Variants in CTNNA3 observed in about 807,000 individuals in gnomAD.
CTNNA3 encodes catenin alpha-3.
In CTNNA3, 76 loss-of-function variants were observed where a neutral mutation model predicts 95.7. That is an observed-to-expected ratio of 0.79 (90% confidence interval 0.66 to 0.96). The LOEUF is 0.96. CTNNA3 is among the 40% of genes least tolerant of loss of function. The pLI is 0.00. For synonymous variants in CTNNA3, 431 were observed against 374.4 expected, an observed-to-expected ratio of 1.15 and a Z score of -1.74; for missense variants, 1,191 against 1,089.8, an observed-to-expected ratio of 1.09 and a Z score of -1.31.
chr10:67,321,830 C>T (rs1313945105), intron 5 of CTNNA3, among the ~76,000 whole-genome samples: 2 of 152,138 alleles, frequency 1.3e-5, no homozygotes, highest in Admixed American at 1.3e-4. Flanking sequence ...TTTCACCCTA[C>T]CACACACCTT....
At chr10:67,396,205 G>C (rs1468214303) in intron 5 of CTNNA3, among the ~76,000 whole-genome samples, 1 of 151,964 alleles carries the variant, frequency 6.6e-6, no homozygotes, top group Non-Finnish European at 1.5e-5. Flanking sequence ...ATATATCCTA[G>C]GAAGACACAA....
At chr10:67,252,705 G>A (rs1203242000) in intron 5 of CTNNA3, among the ~76,000 whole-genome samples, 1 of 152,160 alleles carries the variant, frequency 6.6e-6, no homozygotes, top group East Asian at 1.9e-4. Context: ...CCTGAATCAT[G>A]TGTAACCATC....
chr10:67,593,681 T>C (rs12412706), intron 3 of CTNNA3, among the ~76,000 whole-genome samples: 4,284 of 152,302 alleles, frequency 0.028, 78 homozygotes, highest in South Asian at 0.1. Context: ...GTTTTCTAAG[T>C]ATAGGCTTAA....
chr10:67,324,918 C>T (rs1841481161), intron 5 of CTNNA3, among the ~76,000 whole-genome samples: 1 of 152,066 alleles, frequency 6.6e-6, no homozygotes, highest in Non-Finnish European at 1.5e-5. Context: ...AATTTCAGAA[C>T]TCATTATTGA....
chr10:67,233,262 T>C (rs1255682266), intron 5 of CTNNA3, among the ~76,000 whole-genome samples: 1 of 152,032 alleles, frequency 6.6e-6, no homozygotes, highest in East Asian at 1.9e-4. Context: ...TACTTGGAAG[T>C]AAAGCTCTCC....
intron 13 of CTNNA3, among the ~76,000 whole-genome samples, chr10:66,234,761 C>T (rs572322768): frequency 1.3e-5 from 2 of 152,150 alleles, no homozygotes; most frequent in Non-Finnish European, 2.9e-5. Context: ...TGCAAAACTC[C>T]CTTCTCTTGA....
chr10:66,938,482 T>C (rs1382209712), intron 7 of CTNNA3, among the ~76,000 whole-genome samples: 4 of 152,140 alleles, frequency 2.6e-5, no homozygotes, highest in Non-Finnish European at 5.9e-5. Context: ...AAAGAAAATA[T>C]ATTTATTATT....
In CTNNA3 at chr10:66,702,126, C is replaced by T. The variant is rs374461326; in HGVS notation, c.1281+64138G>A. Reference sequence around the variant, plus strand: ...ACTTATCTGTAAAAAATATGGCATGCCATTTACACAGTAAAAAAAAAACAA... The same window carrying T: ...ACTTATCTGTAAAAAATATGGCATGTCATTTACACAGTAAAAAAAAAACAA... On this transcript the variant is annotated intron_variant, in intron 9 of 17. Transcript: ENST00000433211. Among the ~76,000 whole-genome samples, 14 of 151,896 alleles carry T rather than the reference C, an allele frequency of 9.2e-5. No homozygotes were observed. The East Asian group carries it at 2.5e-3, about 27-fold the overall frequency.
chr10:66,150,088 C>A (rs1222471314), intron 13 of CTNNA3, among the ~76,000 whole-genome samples: 1 of 152,200 alleles, frequency 6.6e-6, no homozygotes, highest in African/African-American at 2.4e-5. Context: ...TGTGTCCCCA[C>A]CCAAATCTCA....
At chr10:66,677,381 T>C (rs958536679) in intron 9 of CTNNA3, among the ~76,000 whole-genome samples, 6 of 142,508 alleles carry the variant, frequency 4.2e-5, no homozygotes, top group African/African-American at 1.4e-4. Context: ...TAAAAAATAA[T>C]TTTATACAAA....
At chr10:67,324,119 T>A (rs1013285770) in intron 5 of CTNNA3, among the ~76,000 whole-genome samples, 52 of 152,288 alleles carry the variant, frequency 3.4e-4, no homozygotes, top group African/African-American at 1.2e-3. Context: ...GTTAAGAAGC[T>A]TTTGGGCTGA....
intron 6 of CTNNA3, among the ~76,000 whole-genome samples, chr10:67,201,490 T>TATTATTATAC (rs1789627415): frequency 6.6e-6 from 1 of 152,176 alleles, no homozygotes; most frequent in South Asian, 2.1e-4. Flanking sequence ...ATACTTTAAG[T>TATTATTATAC]TTTAGGGTAC....
At chr10:67,051,183 G>T (rs1273043085) in intron 7 of CTNNA3, among the ~76,000 whole-genome samples, 1 of 152,196 alleles carries the variant, frequency 6.6e-6, no homozygotes, top group East Asian at 1.9e-4. Flanking sequence ...CATTACCTGG[G>T]TGAATTATTA....
chr10:66,639,021 A>G (rs1424159539), intron 9 of CTNNA3, among the ~76,000 whole-genome samples: 1 of 152,130 alleles, frequency 6.6e-6, no homozygotes, highest in African/African-American at 2.4e-5. Flanking sequence ...TTGGTGAATA[A>G]TTCATTTCCT....
chr10:67,738,178 G>A (rs568191699), intron 1 of CTNNA3, among the ~76,000 whole-genome samples: 69 of 152,252 alleles, frequency 4.5e-4, no homozygotes, highest in African/African-American at 1.5e-3. Flanking sequence ...AGGAGGGGCC[G>A]AAAGACACCT....
chr10:67,581,158 C>T lies in CTNNA3; in HGVS notation c.292+25699G>A, dbSNP rs150915642. ...TGCTCGTTTTCAAAGGGAATGCTTC[C>T]GGTTTTCGCCCATTCAGTATGATAT... On this transcript the variant is annotated intron_variant, in intron 3 of 17. Coordinates refer to ENST00000433211, the MANE Select transcript of CTNNA3 (RefSeq NM_013266.4). Among the ~76,000 whole-genome samples, 532 of 152,198 alleles carry T rather than the reference C, an allele frequency of 3.5e-3. 5 individuals are homozygous for T. The highest frequency in any genetic ancestry group is 0.012 in the African/African-American group (493 of 41,502).
At chr10:66,309,760 A>G (rs2091985499) in intron 12 of CTNNA3, among the ~76,000 whole-genome samples, 1 of 141,284 alleles carries the variant, frequency 7.1e-6, no homozygotes, top group African/African-American at 2.6e-5. Context: ...GAAATGAGGG[A>G]CAAAAAATAA....
chr10:66,328,622 A>G (rs1376887463), intron 12 of CTNNA3, among the ~76,000 whole-genome samples: 1 of 151,790 alleles, frequency 6.6e-6, no homozygotes, highest in Admixed American at 6.6e-5. Context: ...AAGTCTGTGT[A>G]TTACTCAGGT....
intron 9 of CTNNA3, among the ~76,000 whole-genome samples, chr10:66,626,854 G>T (rs1420215392): frequency 6.6e-6 from 1 of 152,012 alleles, no homozygotes; most frequent in African/African-American, 2.4e-5. Flanking sequence ...TGTAAGGACT[G>T]TATAATTAGA....
Sources: gnomAD v4.1 joint callset for allele counts (sites outside exome capture counted in the v4.1 genomes callset) on GRCh38, gnomAD v4.1.1 for gene constraint, MANE v1.5 for transcripts, NCBI Gene and HGNC (gene_info 2026-07-23, HGNC 2026-07-21) for gene names.